The following UBXN8 variants were observed in gnomAD, a reference collection of about 807,000 sequenced individuals.
UBXN8 encodes the protein UBX domain-containing protein 8.
UBXN8 carries 27 observed loss-of-function variants against 32.1 expected under a neutral mutation model. That is an observed-to-expected ratio of 0.84 (90% CI 0.62 to 1.16). The LOEUF is 1.16. Among genes scored for constraint, UBXN8 ranks in the 50% most tolerant of loss-of-function variants. UBXN8 has a pLI of 0.00. For missense variants in UBXN8, 306 were observed against 311.4 expected (o/e 0.98, Z 0.13); for synonymous variants, 109 against 111.8 (o/e 0.98, Z 0.16).
intron 1 of UBXN8, among the ~76,000 whole-genome samples, chr8:30,736,623 C>T (rs926920934): frequency 2.0e-5 from 3 of 152,118 alleles, no homozygotes; most frequent in Non-Finnish European, 4.4e-5. Flanking sequence ...CAGGCACCCA[C>T]CACCATGCCC....
chr8:30,740,194 T>G (rs775745210), upstream of UBXN8, among the ~76,000 whole-genome samples: 1 of 151,924 alleles, frequency 6.6e-6, no homozygotes, highest in Non-Finnish European at 1.5e-5. Flanking sequence ...GGTCAGTCAG[T>G]GCTTTGTATC....
chr8:30,761,389 C>T (rs1795475673), intron 6 of UBXN8, among the ~76,000 whole-genome samples: 1 of 152,102 alleles, frequency 6.6e-6, no homozygotes, highest in African/African-American at 2.4e-5. Flanking sequence ...GGATTACAGG[C>T]ATCTGCCACC....
At chr8:30,741,454 C>CTTT (rs565066061), upstream of UBXN8, among the ~76,000 whole-genome samples, 21,765 of 116,430 alleles carry the variant, frequency 0.19, 2,516 homozygotes, top group African/African-American at 0.28. Context: ...AAGCAATGTT[C>CTTT]TTTTTTTTTT....
At chr8:30,739,280 C>T (rs1805139789), upstream of UBXN8, among the ~76,000 whole-genome samples, 1 of 150,950 alleles carries the variant, frequency 6.6e-6, no homozygotes, top group African/African-American at 2.4e-5. Context: ...TATGGTGGCT[C>T]ACGCCTGTAA....
At chr8:30,753,819 C>A (rs1302855510) in intron 3 of UBXN8, among the ~76,000 whole-genome samples, 1 of 137,108 alleles carries the variant, frequency 7.3e-6, no homozygotes, top group Non-Finnish European at 1.5e-5. Context: ...GTTGCCCAGG[C>A]TGGGGTGGAG....
chr8:30,739,271 A>C (rs114842218), upstream of UBXN8, among the ~76,000 whole-genome samples: 2 of 150,938 alleles, frequency 1.3e-5, no homozygotes, highest in South Asian at 4.4e-4. Flanking sequence ...ATGGCCGGGT[A>C]TGGTGGCTCA....
rs377606100 is a variant in UBXN8, at chr8:30,750,722, G to A, written c.89-674G>A. 1.9e-3 allele frequency among the ~76,000 whole-genome samples: 282 copies of A among 148,956 alleles called. 1 individual carries two copies. The highest frequency in any genetic ancestry group is 6.5e-3 in the African/African-American group (264 of 40,318). Reference sequence around the variant, plus strand: ...TGGGAGGCAGAGCTTGCAGTGAGCCGAGATCATGCCACTGCACTCCAGCCT... The same window carrying A: ...TGGGAGGCAGAGCTTGCAGTGAGCCAAGATCATGCCACTGCACTCCAGCCT... On this transcript the variant is annotated intron_variant, in intron 1 of 7. Coordinates refer to ENST00000265616, the MANE Select transcript of UBXN8 (RefSeq NM_005671.4).
chr8:30,760,444 T>TTTA (rs1805804297), intron 5 of UBXN8, among the ~76,000 whole-genome samples: 1 of 67,038 alleles, frequency 1.5e-5, no homozygotes, highest in African/African-American at 6.2e-5. Context: ...TATATATATA[T>TTTA]TTTTTTTTTT....
upstream of UBXN8, among the ~76,000 whole-genome samples, chr8:30,740,906 C>T (rs1231990142): frequency 1.3e-5 from 2 of 152,216 alleles, no homozygotes; most frequent in African/African-American, 4.8e-5. Context: ...AGTTGCTCAT[C>T]AGGCTGCAAA....
At chr8:30,763,233 G>T in intron 6 of UBXN8, 40 bp from the exon 7 acceptor site, 1 of 1,589,950 alleles carries the variant, frequency 6.3e-7, no homozygotes, top group South Asian at 1.1e-5. Context: ...ATTGCAAAGA[G>T]CAATGGATCG....
chr8:30,747,307 GTTT>G (rs59568820), intron 1 of UBXN8, among the ~76,000 whole-genome samples: 1 of 81,728 alleles, frequency 1.2e-5, no homozygotes, highest in African/African-American at 5.4e-5. Flanking sequence ...CCTCAGTGGT[GTTT>G]TTTTTTTTTT....
chr8:30,741,694 C>T (rs1321711592), upstream of UBXN8, among the ~76,000 whole-genome samples: 2 of 152,114 alleles, frequency 1.3e-5, no homozygotes, highest in African/African-American at 4.8e-5. Context: ...AGGTGATCCA[C>T]CCACCTCGGC....
chr8:30,764,709 G>T (rs1805949189), intron 7 of UBXN8, among the ~76,000 whole-genome samples: 1 of 152,174 alleles, frequency 6.6e-6, no homozygotes, highest in Non-Finnish European at 1.5e-5. Context: ...AAAAGAAATA[G>T]TACCCAGATT....
chr8:30,743,522 C>T (rs1435910544), upstream of UBXN8, among the ~76,000 whole-genome samples: 1 of 152,112 alleles, frequency 6.6e-6, no homozygotes, highest in Non-Finnish European at 1.5e-5. Flanking sequence ...GAGAAGTGCA[C>T]AGTGGTGAGT....
intron 5 of UBXN8, among the ~76,000 whole-genome samples, chr8:30,757,849 G>A (rs1242975034): frequency 2.8e-5 from 4 of 142,912 alleles, no homozygotes; most frequent in Non-Finnish European, 6.0e-5. Context: ...GACAGAGTGA[G>A]ACTCCGTCTC....
intron 5 of UBXN8, among the ~76,000 whole-genome samples, chr8:30,758,138 C>T (rs539063993): frequency 2.0e-5 from 3 of 152,232 alleles, no homozygotes; most frequent in South Asian, 2.1e-4. Context: ...CCACGTGATC[C>T]GCCCGCCTTG....
chr8:30,765,532 T>TTA (rs1554579439), intron 7 of UBXN8, among the ~76,000 whole-genome samples: 12 of 150,492 alleles, frequency 8.0e-5, no homozygotes, highest in East Asian at 4.0e-4. Flanking sequence ...AAAAAAAATT[T>TTA]TATATATATA....
chr8:30,756,088 C>CA (rs1805651582), intron 4 of UBXN8: 1 of 151,904 alleles, frequency 6.6e-6, no homozygotes, highest in East Asian at 1.9e-4. Context: ...GCAATGGCAC[C>CA]ATCTCAGCTC....
chr8:30,766,278 C>T lies in UBXN8; in HGVS notation c.697C>T (p.Leu233Phe). 1 of 1,613,812 alleles carries T rather than the reference C, an allele frequency of 6.2e-7. No individual in the cohort carries two copies. The highest frequency in any genetic ancestry group is 8.5e-7 in the Non-Finnish European group (1 of 1,179,790). The change falls in exon 8 of 8, where the codon CTT becomes TTT. Residue 233 changes from leucine (L) to phenylalanine (F), a missense_variant. Leu to Phe is a conservative substitution (Grantham distance 22, BLOSUM62 0). Coordinates refer to ENST00000265616, the MANE Select transcript of UBXN8 (RefSeq NM_005671.4). Reference protein sequence around the residue: ...RIGYHISLYSLSTSFPRRPLA... With the variant: ...RIGYHISLYSFSTSFPRRPLA... The stretch of plus-strand genomic sequence containing the variant: ...TGGGTACCACATATCTCTATACAGC[C>T]TTTCTACTTCCTTTCCCAGACGGCC...
Sources: allele counts gnomAD v4.1 joint callset (sites outside exome capture counted in the v4.1 genomes callset), GRCh38; gene constraint gnomAD v4.1.1; transcripts MANE v1.5; gene names NCBI Gene and HGNC (gene_info 2026-07-23, HGNC 2026-07-21).